The following ATG16L1 variants were observed in gnomAD, a reference collection of about 807,000 sequenced individuals.
The protein encoded by ATG16L1 is autophagy related 16 like 1.
Under a neutral mutation model 88.5 loss-of-function variants are expected in ATG16L1, and 37 were observed. That is an observed-to-expected ratio of 0.42 (90% CI 0.32 to 0.55). The LOEUF (loss-of-function observed/expected upper bound fraction) is 0.55. Among genes scored for constraint, ATG16L1 ranks in the 20% least tolerant of loss-of-function variants. ATG16L1 has a pLI of 0.13. For missense variants in ATG16L1, 554 were observed against 752.8 expected (o/e 0.74, Z 3.09); for synonymous variants, 301 against 281.0 (o/e 1.07, Z -0.71).
Position 233,268,472 on chromosome 2 carries a change from C to T in ATG16L1, c.642-1530C>T, listed in dbSNP as rs558983763. Among the ~76,000 whole-genome samples the T allele has an allele frequency of 2.0e-5, 3 of 152,136 alleles. No individual in the cohort carries two copies. In the South Asian group the frequency reaches 6.2e-4, roughly 32 times the overall value. On this transcript the variant is annotated intron_variant, in intron 5 of 17. Coordinates refer to ENST00000392017, the MANE Select transcript of ATG16L1 (RefSeq NM_030803.7). ...AGACTCTGTTTGAGCTATTAAAGAC[C>T]TTTCCTTTCAGCTATAGTGATGAAT...
Position 233,294,305 on chromosome 2 carries a change from C to T in ATG16L1, c.1779C>T (p.Val593=), listed in dbSNP as rs199749659. The T allele has an allele frequency of 4.1e-5, 66 of 1,613,368 alleles. 1 individual carries two copies. Among genetic ancestry groups the T allele is most frequent in the Middle Eastern group, 1.6e-4 (1 of 6,084 alleles). Residue 593 remains valine (V), a synonymous_variant, in exon 18 of 18, where the codon GTC becomes GTT. Coordinates refer to ENST00000392017, the MANE Select transcript of ATG16L1 (RefSeq NM_030803.7). ...VAWSPSGSHV[V]SVDKGCKAVL... ...GGTCGCCCTCTGGCTCGCACGTTGT[C>T]AGTGTGGACAAAGGATGCAAAGCTG...
chr2:233,289,838 G>C lies in ATG16L1; in HGVS notation c.1204-16G>C. ...TGGCGCCCTGAGGCTCACCCTGGCT[G>C]TGTTCTCTCTCCTAGCACACACTCA... On this transcript the variant is annotated splice_polypyrimidine_tract_variant and intron_variant, in intron 12 of 17. Transcript: ENST00000392017. The C allele has an allele frequency of 6.2e-7, 1 of 1,611,144 alleles. No homozygotes were observed. The highest frequency in any genetic ancestry group is 8.5e-7 in the Non-Finnish European group (1 of 1,177,468).
At chr2:233,264,535 A>T (rs1410417346) in intron 4 of ATG16L1, among the ~76,000 whole-genome samples, 1 of 152,090 alleles carries the variant, frequency 6.6e-6, no homozygotes, top group Admixed American at 6.6e-5. Context: ...GGGTTTCCTT[A>T]ATATGTGGAA....
intron 5 of ATG16L1, among the ~76,000 whole-genome samples, chr2:233,268,560 T>G (rs1285403117): frequency 6.6e-6 from 1 of 152,164 alleles, no homozygotes; most frequent in Non-Finnish European, 1.5e-5. Flanking sequence ...ATCTCCACCT[T>G]GCAGAACTGG....
At chr2:233,286,775 G>A (rs575330399) in intron 12 of ATG16L1, among the ~76,000 whole-genome samples, 5 of 151,684 alleles carry the variant, frequency 3.3e-5, no homozygotes, top group East Asian at 3.9e-4. Context: ...ACAGGCGCCC[G>A]CCACCACGTC....
chr2:233,266,226 G>GGCGGGA (rs1697570010), intron 5 of ATG16L1: 1 of 140,280 alleles, frequency 7.1e-6, no homozygotes, highest in Non-Finnish European at 1.6e-5. Flanking sequence ...CGGAGGCGGA[G>GGCGGGA]GCGGGAGGAT....
chr2:233,253,946 G>A (rs1006744624), intron 1 of ATG16L1, among the ~76,000 whole-genome samples: 1 of 152,188 alleles, frequency 6.6e-6, no homozygotes, highest in African/African-American at 2.4e-5. Flanking sequence ...GTCAAATTGG[G>A]TGGGAGGCTT....
intron 1 of ATG16L1, 110 bp from the exon 2 acceptor site, chr2:233,255,992 G>T: frequency 1.2e-6 from 1 of 802,004 alleles, no homozygotes. Flanking sequence ...CTGTGGCTGA[G>T]GAATGTATGT....
rs372324732 is a variant in ATG16L1, at chr2:233,264,948, G to T, written c.446G>T (p.Arg149Leu). ...CTGGAGACGGAGTGCCTAGACCTGC[G>T]CACTAAGCTTTGTGACCTTGAAAGA... ...SDLETECLDL[R>L]TKLCDLERAN... Residue 149 changes from arginine (R) to leucine (L), a missense_variant, in exon 5 of 18, where the codon CGC (arginine) becomes CTC (leucine). Around this residue, in one of 5 missense-constraint regions of ATG16L1, gnomAD observed 50 missense variants for 49.4 expected, o/e 1.01. Coordinates refer to ENST00000392017, the MANE Select transcript of ATG16L1 (RefSeq NM_030803.7). The T allele has an allele frequency of 2.2e-5, 36 of 1,613,936 alleles. No homozygotes were observed. Among genetic ancestry groups the T allele is most frequent in the South Asian group, 1.1e-5 (1 of 91,080 alleles).
chr2:233,286,645 A>ATTTTT (rs1699104790), intron 12 of ATG16L1, among the ~76,000 whole-genome samples: 1 of 27,456 alleles, frequency 3.6e-5, no homozygotes, highest in Non-Finnish European at 7.8e-5. Flanking sequence ...TTTTTTTTTG[A>ATTTTT]GACAGTGTCT....
intron 10 of ATG16L1, among the ~76,000 whole-genome samples, chr2:233,279,374 C>T (rs1410283030): frequency 6.6e-6 from 1 of 151,824 alleles, no homozygotes; most frequent in Non-Finnish European, 1.5e-5. Flanking sequence ...TGAAAAGAAA[C>T]GAACATCAGT....
chr2:233,286,643 T>TG (rs1553608375), intron 12 of ATG16L1, among the ~76,000 whole-genome samples: 8 of 138,870 alleles, frequency 5.8e-5, no homozygotes, highest in African/African-American at 8.4e-5. Context: ...TTTTTTTTTT[T>TG]GAGACAGTGT....
intron 9 of ATG16L1, chr2:233,275,318 G>A (rs1487526937): frequency 1.3e-5 from 3 of 223,946 alleles, no homozygotes; most frequent in African/African-American, 6.8e-5. Context: ...TCCCAGCTGG[G>A]GTAGTTGAGC....
intron 9 of ATG16L1, chr2:233,276,045 TG>T (rs755336205): frequency 2.1e-4 from 104 of 498,724 alleles, no homozygotes; most frequent in Non-Finnish European, 2.0e-5. Flanking sequence ...GGAAATTTCA[TG>T]GGGGTAAAAG....
At chr2:233,281,673 G>A (rs532078319) in intron 11 of ATG16L1, among the ~76,000 whole-genome samples, 18 of 152,322 alleles carry the variant, frequency 1.2e-4, no homozygotes, top group Admixed American at 9.2e-4. Flanking sequence ...GAGGCAAAAA[G>A]CCAGGGACGG....
chr2:233,274,735 C>G lies in ATG16L1; in HGVS notation c.911C>G (p.Ser304Cys). 1 of 1,612,908 alleles carries G rather than the reference C, an allele frequency of 6.2e-7. No individual in the cohort carries two copies. Residue 304 changes from serine (S) to cysteine (C), a missense_variant, in exon 9 of 18, where the codon TCT becomes TGT. Physicochemically the swap from Ser to Cys is moderately radical, Grantham distance 112. This residue lies in a region of ATG16L1 where 370 missense variants were observed against 509.7 expected (regional missense o/e 0.73). Coordinates refer to ENST00000392017, the MANE Select transcript of ATG16L1 (RefSeq NM_030803.7). ...PQDNVDTHPG[S>C]GKEVRVPATA... is the part of the protein sequence containing the mutation. Reference sequence around the variant, plus strand: ...GACAATGTGGATACTCATCCTGGTTCTGGTAAAGAAGTGAGGGTACCAGCT... The same window carrying G: ...GACAATGTGGATACTCATCCTGGTTGTGGTAAAGAAGTGAGGGTACCAGCT...
intron 12 of ATG16L1, among the ~76,000 whole-genome samples, chr2:233,289,408 T>TGTGTGTGTGTGAGAGA (rs144316394): frequency 6.7e-5 from 10 of 149,652 alleles, no homozygotes; most frequent in African/African-American, 2.5e-4. Context: ...TGTGTGTGTG[T>TGTGTGTGTGTGAGAGA]GACAGGATCT....
chr2:233,292,240 A>G lies in ATG16L1; in HGVS notation c.1543A>G (p.Ile515Val). 1.2e-6 allele frequency: 2 copies of G among 1,614,244 alleles called. No individual in the cohort carries two copies. Among genetic ancestry groups the G allele is most frequent in the Non-Finnish European group, 1.7e-6 (2 of 1,180,040 alleles). The change falls in exon 15 of 18, where the codon ATT becomes GTT. Residue 515 changes from isoleucine (I) to valine (V), a missense_variant. Transcript: ENST00000392017. ...SCSRDDLLKV[I>V]DLRTNAIKQT... ...CTCCCGTGATGACTTGCTAAAAGTT[A>G]TTGATCTCCGAACAAATGCTATCAA...
chr2:233,263,203 G>T lies in ATG16L1; in HGVS notation c.283G>T (p.Glu95Ter). ...MAQLRIKHQE[E>*]LTELHKKRGE... ...CCAACTGAGGATTAAGCACCAAGAG[G>T]AACTGACTGAATTACACAAGAAACG... Residue 95 changes from glutamate to a stop codon, truncating the protein, a stop_gained, in exon 3 of 18, where the codon GAA becomes TAA. Coordinates refer to ENST00000392017, the MANE Select transcript of ATG16L1 (RefSeq NM_030803.7). LOFTEE classifies it high-confidence loss of function. The T allele has an allele frequency of 6.2e-7, 1 of 1,614,074 alleles. No homozygotes were observed. Among genetic ancestry groups the T allele is most frequent in the Non-Finnish European group, 8.5e-7 (1 of 1,179,998 alleles).
Sources: gnomAD v4.1 joint callset for allele counts (sites outside exome capture counted in the v4.1 genomes callset) on GRCh38, gnomAD v4.1.1 for gene constraint, gnomAD v4.1.1 regional missense constraint, MANE v1.5 for transcripts, NCBI Gene and HGNC (gene_info 2026-07-23, HGNC 2026-07-21) for gene names.